The following PAPPA variants were observed in gnomAD, a reference collection of about 807,000 sequenced individuals.
The protein encoded by PAPPA is pappalysin-1.
Under a neutral mutation model 164.0 loss-of-function variants are expected in PAPPA, and 60 were observed. The ratio of observed to expected loss-of-function variants is 0.37; its 90% CI spans 0.30 to 0.45. PAPPA has a LOEUF of 0.45. Ranked by LOEUF, PAPPA falls within the 20% of genes least tolerant of loss-of-function variation. The pLI is 1.00. For missense variants in PAPPA, 1,782 were observed against 2,087.3 expected (o/e 0.85, Z 2.85); for synonymous variants, 875 against 814.1 (o/e 1.07, Z -1.27).
chr9:116,360,610 T>C (rs1564241062), intron 17 of PAPPA, among the ~76,000 whole-genome samples: 1 of 152,240 alleles, frequency 6.6e-6, no homozygotes, highest in Non-Finnish European at 1.5e-5. Context: ...CTTCATTTAC[T>C]CACTTGTGCA....
At chr9:116,311,048 C>A (rs1251012567) in intron 10 of PAPPA, among the ~76,000 whole-genome samples, 1 of 131,404 alleles carries the variant, frequency 7.6e-6, no homozygotes, top group Admixed American at 9.2e-5. Flanking sequence ...TTAGGAACAA[C>A]ATGTGGACTT....
chr9:116,323,871 G>T (rs1845889982), intron 10 of PAPPA, among the ~76,000 whole-genome samples: 1 of 152,200 alleles, frequency 6.6e-6, no homozygotes, highest in African/African-American at 2.4e-5. Flanking sequence ...ATCTTACTCT[G>T]TCTTTCCATA....
Position 116,259,790 on chromosome 9 carries a change from C to G in PAPPA, c.2733-6067C>G, listed in dbSNP as rs1348651785. On this transcript the variant is annotated intron_variant, in intron 7 of 21. Coordinates refer to ENST00000328252, the MANE Select transcript of PAPPA (RefSeq NM_002581.5). ...TCTTAACCTAATGATACCATTTTAGCCTTTTTTCCCTCAGAAAACTCTTGC... is the reference window on the plus strand; with the variant it reads ...TCTTAACCTAATGATACCATTTTAGGCTTTTTTCCCTCAGAAAACTCTTGC... 2.0e-5 allele frequency among the ~76,000 whole-genome samples: 3 copies of G among 152,124 alleles called. No homozygotes were observed. In the East Asian group the frequency reaches 5.8e-4, roughly 29 times the overall value.
chr9:116,200,407 C>G (rs1409928681), intron 2 of PAPPA, among the ~76,000 whole-genome samples: 2 of 152,172 alleles, frequency 1.3e-5, no homozygotes, highest in African/African-American at 4.8e-5. Context: ...TGGTCGGTAG[C>G]ATCCAACAGA....
intron 10 of PAPPA, among the ~76,000 whole-genome samples, chr9:116,312,619 T>A (rs1845734816): frequency 6.6e-6 from 1 of 152,202 alleles, no homozygotes; most frequent in South Asian, 2.1e-4. Flanking sequence ...TTTGTTTTTA[T>A]TTTTGTACAC....
chr9:116,367,343 G>A (rs551119772), intron 18 of PAPPA, among the ~76,000 whole-genome samples: 3 of 152,328 alleles, frequency 2.0e-5, no homozygotes, highest in South Asian at 4.1e-4. Flanking sequence ...AAAGGGGGCT[G>A]TATTTTGTTC....
chr9:116,332,558 C>T (rs1846007712), intron 12 of PAPPA, 90 bp downstream of exon 12: 17 of 1,151,474 alleles, frequency 1.5e-5, no homozygotes, highest in Non-Finnish European at 1.8e-5. Context: ...TTAGAATGAG[C>T]TCTTCCTTCC....
At chr9:116,327,253 C>T (rs1438697000) in intron 10 of PAPPA, among the ~76,000 whole-genome samples, 1 of 152,220 alleles carries the variant, frequency 6.6e-6, no homozygotes, top group African/African-American at 2.4e-5. Flanking sequence ...TACTGTGTTA[C>T]TTCCTGACAT....
chr9:116,194,616 G>T (rs761531064), intron 2 of PAPPA, among the ~76,000 whole-genome samples: 3 of 152,160 alleles, frequency 2.0e-5, no homozygotes, highest in Non-Finnish European at 4.4e-5. Flanking sequence ...AGTAAGAGCC[G>T]CTGGTTTCTC....
intron 6 of PAPPA, among the ~76,000 whole-genome samples, chr9:116,230,700 A>G (rs1257678453): frequency 6.6e-6 from 1 of 152,212 alleles, no homozygotes; most frequent in African/African-American, 2.4e-5. Flanking sequence ...AAATACAGTC[A>G]TAGAACTGCT....
intron 1 of PAPPA, among the ~76,000 whole-genome samples, chr9:116,177,556 C>G (rs1843851859): frequency 6.6e-6 from 1 of 152,174 alleles, no homozygotes; most frequent in Non-Finnish European, 1.5e-5. Flanking sequence ...CCAGCCCTGA[C>G]TCTGCCTAAT....
chr9:116,264,672 A>G (rs1845045407), intron 7 of PAPPA, among the ~76,000 whole-genome samples: 1 of 152,110 alleles, frequency 6.6e-6, no homozygotes, highest in African/African-American at 2.4e-5. Flanking sequence ...TGTTTATGAA[A>G]TCCCCCCCAA....
chr9:116,300,792 A>T (rs1414959935), intron 9 of PAPPA, among the ~76,000 whole-genome samples: 2 of 152,114 alleles, frequency 1.3e-5, no homozygotes, highest in African/African-American at 4.8e-5. Flanking sequence ...GTGAGCACTG[A>T]TTTCACAAGC....
chr9:116,338,606 C>T (rs1044403319), intron 13 of PAPPA, among the ~76,000 whole-genome samples: 3 of 152,198 alleles, frequency 2.0e-5, no homozygotes, highest in Non-Finnish European at 4.4e-5. Flanking sequence ...AGATCGCTGC[C>T]ATAACCTCAT....
chr9:116,241,717 C>T (rs895338792), intron 7 of PAPPA, among the ~76,000 whole-genome samples: 2 of 152,122 alleles, frequency 1.3e-5, no homozygotes, highest in Non-Finnish European at 2.9e-5. Flanking sequence ...GCGTCTCTTG[C>T]TTTCAGATCT....
At position 116,334,925 on chromosome 9, in the gene PAPPA, G is replaced by A. The variant is rs1312417012; in HGVS notation, c.3462G>A (p.Gln1154=). Residue 1154 remains glutamine, a synonymous_variant, in exon 13 of 22, where the codon CAG becomes CAA. Coordinates refer to ENST00000328252, the MANE Select transcript of PAPPA (RefSeq NM_002581.5). Reference sequence around the variant, plus strand: ...TCCCTGTGGTCCATGACCTCAGCCAGCCCTTCTACCACAGCCAGGCGGTAC... The same window carrying A: ...TCCCTGTGGTCCATGACCTCAGCCAACCCTTCTACCACAGCCAGGCGGTAC... The part of the protein sequence containing the change: ...LIIPVVHDLS[Q]PFYHSQAVRV... 1.9e-6 allele frequency: 3 copies of A among 1,613,740 alleles called. No homozygotes were observed. Among genetic ancestry groups the A allele is most frequent in the Non-Finnish European group, 2.5e-6 (3 of 1,179,974 alleles).
intron 5 of PAPPA, among the ~76,000 whole-genome samples, chr9:116,223,405 G>GATTGTTGGAAACCTATTTGAGGGTTA (rs1475953994): frequency 2.6e-5 from 4 of 152,130 alleles, no homozygotes; most frequent in Non-Finnish European, 4.4e-5. Context: ...AATACCACCT[G>GATTGTTGGAAACCTATTTGAGGGTTA]ATTGTTGGAA....
chr9:116,159,413 G>A (rs935162255), intron 1 of PAPPA, among the ~76,000 whole-genome samples: 21 of 152,154 alleles, frequency 1.4e-4, no homozygotes, highest in African/African-American at 4.6e-4. Context: ...AGTTGCTGGG[G>A]AGTCTCTCTA....
chr9:116,161,201 A>G (rs150241618), intron 1 of PAPPA, among the ~76,000 whole-genome samples: 1 of 152,358 alleles, frequency 6.6e-6, no homozygotes, highest in East Asian at 1.9e-4. Flanking sequence ...TGATGGAGTT[A>G]GCAAACCTTT....
Sources: gnomAD v4.1 joint callset for allele counts (sites outside exome capture counted in the v4.1 genomes callset) on GRCh38, gnomAD v4.1.1 for gene constraint, MANE v1.5 for transcripts, NCBI Gene and HGNC (gene_info 2026-07-23, HGNC 2026-07-21) for gene names.